Variants in GRIP1 observed in about 807,000 individuals in gnomAD.
GRIP1 encodes glutamate receptor-interacting protein 1.
A neutral mutation model predicts 129.9 loss-of-function variants in GRIP1; 45 were observed. The observed-to-expected ratio is 0.35, with a 90% CI of 0.27 to 0.44. The LOEUF is 0.44. GRIP1 is among the 20% of genes least tolerant of loss of function. GRIP1 has a pLI of 1.00. For synonymous variants in GRIP1, 530 were observed against 520.8 expected (o/e 1.02, Z -0.24); for missense variants, 1,196 against 1,396.8 (o/e 0.86, Z 2.29).
chr12:66,699,274 T>C (rs1465167413), intron 1 of GRIP1, among the ~76,000 whole-genome samples: 1 of 152,204 alleles, frequency 6.6e-6, no homozygotes, highest in African/African-American at 2.4e-5. Context: ...TGTGGTTCAA[T>C]AACTAACATT....
intron 2 of GRIP1, among the ~76,000 whole-genome samples, chr12:66,593,828 G>C (rs920888051): frequency 1.3e-5 from 2 of 152,064 alleles, no homozygotes; most frequent in Non-Finnish European, 2.9e-5. Context: ...CTGCACTTTG[G>C]GAGGCTGAGG....
chr12:66,547,957 C>T (rs1196304375), intron 2 of GRIP1, among the ~76,000 whole-genome samples: 2 of 152,152 alleles, frequency 1.3e-5, no homozygotes, highest in Non-Finnish European at 2.9e-5. Context: ...TCTACAACTG[C>T]ATATGAATCT....
intron 1 of GRIP1, among the ~76,000 whole-genome samples, chr12:66,992,654 T>C (rs1458227443): frequency 1.3e-5 from 2 of 152,226 alleles, no homozygotes; most frequent in African/African-American, 2.4e-5. Flanking sequence ...CTAGACCATA[T>C]GGTAGGCCAT....
At chr12:66,986,493 CA>C (rs2042313131) in intron 1 of GRIP1, among the ~76,000 whole-genome samples, 1 of 148,888 alleles carries the variant, frequency 6.7e-6, no homozygotes, top group African/African-American at 2.5e-5. Flanking sequence ...GAATACTATG[CA>C]GCCATAAAAA....
intron 1 of GRIP1, among the ~76,000 whole-genome samples, chr12:66,638,617 C>G (rs2031630140): frequency 6.6e-6 from 1 of 152,166 alleles, no homozygotes; most frequent in Non-Finnish European, 1.5e-5. Context: ...ACCTTTTTGG[C>G]TATATTCCTA....
intron 1 of GRIP1, among the ~76,000 whole-genome samples, chr12:66,730,044 T>C (rs1278964651): frequency 6.6e-6 from 1 of 152,236 alleles, no homozygotes; most frequent in Non-Finnish European, 1.5e-5. Context: ...TAAGTGAATA[T>C]TCAGAAAACT....
At chr12:66,667,613 C>T (rs1192742738) in intron 1 of GRIP1, among the ~76,000 whole-genome samples, 1 of 152,142 alleles carries the variant, frequency 6.6e-6, no homozygotes, top group Non-Finnish European at 1.5e-5. Context: ...GCAGACTTCA[C>T]CCAAGGCCTC....
intron 1 of GRIP1, among the ~76,000 whole-genome samples, chr12:66,985,430 T>A (rs1275627985): frequency 9.9e-5 from 15 of 152,154 alleles, no homozygotes; most frequent in Admixed American, 9.8e-4. Context: ...ATAAGTGATA[T>A]CAGCAATGTC....
intron 1 of GRIP1, among the ~76,000 whole-genome samples, chr12:66,961,403 AAT>A (rs761845065): frequency 2.0e-5 from 3 of 152,182 alleles, no homozygotes; most frequent in South Asian, 4.1e-4. Context: ...CCCACCTACA[AAT>A]ATGTTTCCAA....
At chr12:66,719,425 G>A (rs763849225) in intron 1 of GRIP1, among the ~76,000 whole-genome samples, 1 of 152,136 alleles carries the variant, frequency 6.6e-6, no homozygotes, top group Non-Finnish European at 1.5e-5. Context: ...TTATAAGCTA[G>A]GAGTAAATGA....
chr12:66,421,950 G>A (rs374391135), intron 14 of GRIP1, among the ~76,000 whole-genome samples: 1 of 152,010 alleles, frequency 6.6e-6, no homozygotes, highest in East Asian at 1.9e-4. Flanking sequence ...TTTAGGAATT[G>A]GATCCTTAAA....
intron 11 of GRIP1, among the ~76,000 whole-genome samples, chr12:66,451,999 T>C (rs1281891266): frequency 2.0e-5 from 3 of 152,240 alleles, no homozygotes; most frequent in Admixed American, 6.5e-5. Flanking sequence ...CTCTTTTCAA[T>C]GGCACTCTCT....
At chr12:66,791,558 G>A (rs1454763732) in intron 1 of GRIP1, among the ~76,000 whole-genome samples, 1 of 152,154 alleles carries the variant, frequency 6.6e-6, no homozygotes, top group Non-Finnish European at 1.5e-5. Flanking sequence ...GCATTGGCAG[G>A]GTTGTAAGGA....
intron 1 of GRIP1, among the ~76,000 whole-genome samples, chr12:66,980,924 A>G (rs2042234212): frequency 6.6e-6 from 1 of 152,176 alleles, no homozygotes; most frequent in African/African-American, 2.4e-5. Context: ...TGTTTTGAGC[A>G]TTGGCCAAAT....
chr12:66,432,449 G>A (rs534782663), intron 14 of GRIP1, 99 bp downstream of exon 14: 60 of 722,158 alleles, frequency 8.3e-5, no homozygotes, highest in Admixed American at 2.0e-4. Context: ...TAAAAACTTC[G>A]CAAAGACATA....
intron 1 of GRIP1, among the ~76,000 whole-genome samples, chr12:66,981,830 T>C (rs1324126523): frequency 1.3e-5 from 2 of 152,224 alleles, no homozygotes; most frequent in Non-Finnish European, 2.9e-5. Flanking sequence ...TTTGCCTACA[T>C]GGTGAGACAG....
intron 16 of GRIP1, among the ~76,000 whole-genome samples, chr12:66,405,536 T>C (rs1248572555): frequency 6.6e-6 from 1 of 152,196 alleles, no homozygotes; most frequent in Non-Finnish European, 1.5e-5. Flanking sequence ...AGGTCCCACC[T>C]GGGGTGGTGC....
In GRIP1 at chr12:67,066,212, C is replaced by T. The variant is rs74840644; in HGVS notation, c.58+2838G>A. ...CCGAGTAATGAATGGTGTGTAGATA[C>T]GACATGAAATTACATAGAACAACCA... On this transcript the variant is annotated intron_variant, in intron 1 of 1. Transcript: ENST00000643019. 6.1e-4 allele frequency among the ~76,000 whole-genome samples: 93 copies of T among 151,496 alleles called. 2 individuals carry two copies. In the East Asian group the frequency reaches 0.014, roughly 23 times the overall value.
At chr12:66,737,904 G>A (rs2036659004) in intron 1 of GRIP1, among the ~76,000 whole-genome samples, 1 of 152,172 alleles carries the variant, frequency 6.6e-6, no homozygotes, top group Non-Finnish European at 1.5e-5. Flanking sequence ...TAATACAGTT[G>A]TGATCACGCA....
Sources: gnomAD v4.1 joint callset for allele counts (sites outside exome capture counted in the v4.1 genomes callset) on GRCh38, gnomAD v4.1.1 for gene constraint, MANE v1.5 for transcripts, NCBI Gene and HGNC (gene_info 2026-07-23, HGNC 2026-07-21) for gene names.